The following NDRG3 variants were observed in gnomAD, a reference collection of about 807,000 sequenced individuals.
The protein encoded by NDRG3 is protein NDRG3.
In NDRG3, 23 loss-of-function variants were observed where a neutral mutation model predicts 57.2. That is an observed-to-expected ratio of 0.40 (90% CI 0.29 to 0.57). NDRG3 has a LOEUF of 0.57. NDRG3 is among the 20% of genes least tolerant of loss of function. NDRG3 has a pLI of 0.42. For synonymous variants in NDRG3, 132 were observed against 162.6 expected (o/e 0.81, Z 1.43); for missense variants, 384 against 457.3 (o/e 0.84, Z 1.46).
At chr20:36,693,899 C>G (rs1982552898) in intron 3 of NDRG3, among the ~76,000 whole-genome samples, 1 of 151,908 alleles carries the variant, frequency 6.6e-6, no homozygotes, top group South Asian at 2.1e-4. Flanking sequence ...ATGTAATGTG[C>G]TTGAATCATC....
At chr20:36,655,983 AATT>A (rs961220665) in intron 15 of NDRG3, among the ~76,000 whole-genome samples, 3 of 151,980 alleles carry the variant, frequency 2.0e-5, no homozygotes, top group African/African-American at 7.2e-5. Context: ...AAAATACAAA[AATT>A]ATTCGGGTGT....
At chr20:36,675,449 C>T (rs887796055) in intron 8 of NDRG3, among the ~76,000 whole-genome samples, 5 of 143,124 alleles carry the variant, frequency 3.5e-5, no homozygotes, top group Admixed American at 7.0e-5. Context: ...TGCAATGGCA[C>T]GATCTCGACT....
chr20:36,659,151 A>G (rs919651209), intron 13 of NDRG3, among the ~76,000 whole-genome samples: 1 of 151,948 alleles, frequency 6.6e-6, no homozygotes, highest in African/African-American at 2.4e-5. Flanking sequence ...GAGTCTCACT[A>G]TGTTTCCCAG....
At chr20:36,688,824 G>A (rs781325043) in intron 3 of NDRG3, 40 bp from the exon 4 acceptor site, 1 of 1,492,784 alleles carries the variant, frequency 6.7e-7, no homozygotes, top group South Asian at 1.1e-5. Flanking sequence ...AAAGCAGAAT[G>A]AACTTCCCAG....
At chr20:36,696,690 A>G (rs952264429) in intron 3 of NDRG3, among the ~76,000 whole-genome samples, 9 of 149,930 alleles carry the variant, frequency 6.0e-5, no homozygotes, top group Admixed American at 4.0e-4. Context: ...ATGGGGTTTC[A>G]CCATGTTGGC....
chr20:36,735,934 A>G (rs1289463658), intron 1 of NDRG3, among the ~76,000 whole-genome samples: 1 of 146,862 alleles, frequency 6.8e-6, no homozygotes, highest in Non-Finnish European at 1.5e-5. Context: ...AGATTGCACC[A>G]TTGCACTCCA....
intron 8 of NDRG3, among the ~76,000 whole-genome samples, chr20:36,679,383 A>C (rs966597110): frequency 1.3e-5 from 2 of 152,258 alleles, no homozygotes; most frequent in Non-Finnish European, 2.9e-5. Context: ...ATGTCTACTG[A>C]AAGACATAAG....
chr20:36,704,546 T>C (rs1983434881), intron 3 of NDRG3, among the ~76,000 whole-genome samples: 1 of 152,184 alleles, frequency 6.6e-6, no homozygotes, highest in South Asian at 2.1e-4. Flanking sequence ...TTATATCAAA[T>C]ATTAACAGTA....
At chr20:36,718,986 T>C (rs1017534845) in intron 2 of NDRG3, among the ~76,000 whole-genome samples, 2 of 152,134 alleles carry the variant, frequency 1.3e-5, no homozygotes, top group African/African-American at 4.8e-5. Flanking sequence ...GGTGTGTGCC[T>C]GGCTCAGATT....
At chr20:36,708,276 C>T (rs1308127631) in intron 2 of NDRG3, among the ~76,000 whole-genome samples, 1 of 152,054 alleles carries the variant, frequency 6.6e-6, no homozygotes, top group African/African-American at 2.4e-5. Flanking sequence ...CAAAAGCTGC[C>T]CCTCCAGAGA....
At chr20:36,707,350 C>T (rs1983605025) in intron 2 of NDRG3, among the ~76,000 whole-genome samples, 3 of 152,046 alleles carry the variant, frequency 2.0e-5, no homozygotes, top group Non-Finnish European at 2.9e-5. Context: ...TGGAAGCACA[C>T]CTTGAACACA....
chr20:36,725,006 T>C (rs1329063259), intron 1 of NDRG3, among the ~76,000 whole-genome samples: 3 of 150,402 alleles, frequency 2.0e-5, no homozygotes, highest in Admixed American at 6.6e-5. Context: ...TTAGAAAATA[T>C]GAAAATCGGC....
chr20:36,670,610 T>A (rs1313520981), intron 9 of NDRG3, among the ~76,000 whole-genome samples: 1 of 152,198 alleles, frequency 6.6e-6, no homozygotes, highest in Non-Finnish European at 1.5e-5. Context: ...AAAAACAACT[T>A]GGTTTGCACA....
intron 1 of NDRG3, among the ~76,000 whole-genome samples, chr20:36,728,920 C>A (rs574525694): frequency 6.6e-6 from 1 of 152,200 alleles, no homozygotes; most frequent in Admixed American, 6.5e-5. Context: ...CAAGGTTTCA[C>A]CATGTTGGCC....
At chr20:36,703,298 T>C (rs1983353247) in intron 3 of NDRG3, among the ~76,000 whole-genome samples, 1 of 152,046 alleles carries the variant, frequency 6.6e-6, no homozygotes. Context: ...TATAGTTATC[T>C]GTAATATATC....
At chr20:36,658,043 T>C (rs1206511332) in intron 13 of NDRG3, among the ~76,000 whole-genome samples, 1 of 152,204 alleles carries the variant, frequency 6.6e-6, no homozygotes, top group African/African-American at 2.4e-5. Context: ...GAAAAATAAC[T>C]ATGTCTATGG....
intron 8 of NDRG3, among the ~76,000 whole-genome samples, chr20:36,674,864 A>C (rs1456352584): frequency 7.2e-6 from 1 of 138,470 alleles, no homozygotes; most frequent in African/African-American, 2.7e-5. Flanking sequence ...GACTACAGGC[A>C]TGAGCCACCA....
Position 36,746,070 on chromosome 20 carries a change from TGCA to T in NDRG3, c.-77_-75del, listed in dbSNP as rs1320822587. ...CTGAGGCGCGGGCACCCGCCGTCAGTGCAGCAGCAGCGGCGGCGGCGGCGGCGG... is the reference window on the plus strand; with the variant it reads ...CTGAGGCGCGGGCACCCGCCGTCAGTGCAGCAGCGGCGGCGGCGGCGGCGG... On this transcript the variant is annotated 5_prime_UTR_variant, in exon 1 of 16. Transcript: ENST00000349004. The T allele has an allele frequency of 1.2e-4, 38 of 319,716 alleles. No individual in the cohort carries two copies. The highest frequency in any genetic ancestry group is 6.9e-4 in the African/African-American group (28 of 40,792). 19.8% of individuals were successfully genotyped at this position (319,716 alleles called of 1,614,324 possible). A position where few individuals can be genotyped will look rare whatever the true frequency, so the allele number is the denominator to read the frequency against.
intron 1 of NDRG3, among the ~76,000 whole-genome samples, chr20:36,733,164 AAAAAAAAATATATATATATATATAT>A (rs1162754910): frequency 0.079 from 4,058 of 51,372 alleles, 192 homozygotes; most frequent in Middle Eastern, 0.15. Context: ...AAAAAAAAAA[AAAAAAAAATATATATATATATATAT>A]ATATATATAT....
Sources: gnomAD v4.1 joint callset for allele counts (sites outside exome capture counted in the v4.1 genomes callset) on GRCh38, gnomAD v4.1.1 for gene constraint, MANE v1.5 for transcripts, NCBI Gene and HGNC (gene_info 2026-07-23, HGNC 2026-07-21) for gene names.